Variants in SUSD1 observed in about 807,000 individuals in gnomAD.
SUSD1 encodes sushi domain containing 1, also known as sushi domain-containing protein 1.
A neutral mutation model predicts 86.9 loss-of-function variants in SUSD1; 65 were observed. The observed-to-expected ratio is 0.75, with a 90% CI of 0.61 to 0.92. The LOEUF (loss-of-function observed/expected upper bound fraction) is 0.92. Among genes scored for constraint, SUSD1 ranks in the 40% least tolerant of loss-of-function variants. SUSD1 has a pLI of 0.00. For synonymous variants in SUSD1, 346 were observed against 350.0 expected, an observed-to-expected ratio of 0.99 and a Z score of 0.13; for missense variants, 850 against 929.7, an observed-to-expected ratio of 0.91 and a Z score of 1.11.
intron 13 of SUSD1, among the ~76,000 whole-genome samples, chr9:112,060,902 G>T (rs759393313): frequency 6.6e-6 from 1 of 152,172 alleles, no homozygotes. Flanking sequence ...AGGCTCACCT[G>T]TGCCCATTTG....
At chr9:112,143,685 GA>G in intron 3 of SUSD1, 62 bp from the exon 4 acceptor site, 1 of 1,504,850 alleles carries the variant, frequency 6.6e-7, no homozygotes, top group Non-Finnish European at 8.9e-7. Flanking sequence ...AAAAAAAGGA[GA>G]GGATATTGTG....
At chr9:112,050,577 A>G (rs542907458) in intron 15 of SUSD1, among the ~76,000 whole-genome samples, 116 of 152,266 alleles carry the variant, frequency 7.6e-4, no homozygotes, top group Middle Eastern at 3.4e-3. Flanking sequence ...TCACCATGCC[A>G]GTTGATTGTT....
intron 10 of SUSD1, among the ~76,000 whole-genome samples, chr9:112,090,188 G>A (rs1483795090): frequency 6.6e-6 from 1 of 152,118 alleles, no homozygotes; most frequent in African/African-American, 2.4e-5. Flanking sequence ...CACTGAGACA[G>A]AAGAAAATTC....
At chr9:112,097,001 G>A (rs1417109357) in intron 10 of SUSD1, among the ~76,000 whole-genome samples, 2 of 146,202 alleles carry the variant, frequency 1.4e-5, no homozygotes, top group Admixed American at 7.1e-5. Flanking sequence ...ACAGGACAAG[G>A]TGCCAGGCTC....
intron 12 of SUSD1, among the ~76,000 whole-genome samples, chr9:112,067,158 G>A (rs532175417): frequency 7.2e-5 from 11 of 152,314 alleles, no homozygotes; most frequent in Non-Finnish European, 1.2e-4. Flanking sequence ...GATTACAGGC[G>A]TGAGCCACCA....
chr9:112,114,998 G>A (rs138563876), intron 6 of SUSD1, among the ~76,000 whole-genome samples: 1 of 152,272 alleles, frequency 6.6e-6, no homozygotes, highest in East Asian at 1.9e-4. Flanking sequence ...CCTGGTGCCT[G>A]GGATTTGATT....
intron 9 of SUSD1, among the ~76,000 whole-genome samples, chr9:112,100,017 G>A (rs79927492): frequency 0.018 from 2,801 of 152,194 alleles, 84 homozygotes; most frequent in African/African-American, 0.064. Flanking sequence ...GCTCCTCCAC[G>A]GTCTGGCAGT....
chr9:112,110,729 CA>C (rs1831058393), intron 8 of SUSD1, among the ~76,000 whole-genome samples: 2 of 151,498 alleles, frequency 1.3e-5, no homozygotes, highest in Admixed American at 6.6e-5. Context: ...TACCCATAAC[CA>C]GAGCTTTTTT....
At chr9:112,084,318 A>G (rs1829886285) in intron 10 of SUSD1, among the ~76,000 whole-genome samples, 1 of 152,220 alleles carries the variant, frequency 6.6e-6, no homozygotes, top group Non-Finnish European at 1.5e-5. Flanking sequence ...CTTCCCTCAA[A>G]GAGAATGAGA....
chr9:112,058,569 T>C lies in SUSD1; in HGVS notation c.1968A>G (p.Glu656=). Residue 656 remains glutamate (E), a synonymous_variant, in exon 14 of 17, where the codon GAA becomes GAG. Transcript: ENST00000374270. ...CATCTGGAACATCTTTGGCCAGTAG[T>C]TCTGCAGCCACGTATCCATCAGCAT... ...ASDADGYVAA[E]LLAKDVPDDA... The C allele has an allele frequency of 6.2e-7, 1 of 1,614,158 alleles. No homozygotes were observed. Among genetic ancestry groups the C allele is most frequent in the Non-Finnish European group, 8.5e-7 (1 of 1,180,012 alleles).
At chr9:112,141,717 A>G (rs1832573583) in intron 5 of SUSD1, among the ~76,000 whole-genome samples, 1 of 144,334 alleles carries the variant, frequency 6.9e-6, no homozygotes, top group Non-Finnish European at 1.5e-5. Context: ...AATATATTAC[A>G]TGTAATGTAT....
intron 12 of SUSD1, among the ~76,000 whole-genome samples, chr9:112,066,039 G>C (rs1828962306): frequency 6.6e-6 from 1 of 152,224 alleles, no homozygotes; most frequent in South Asian, 2.1e-4. Context: ...AGGAAATCAA[G>C]GCTCAGGCAG....
At chr9:112,167,104 A>G (rs1219534403) in intron 1 of SUSD1, among the ~76,000 whole-genome samples, 1 of 95,768 alleles carries the variant, frequency 1.0e-5, no homozygotes, top group Non-Finnish European at 2.0e-5. Context: ...TTAAACTGTC[A>G]GTTCTCCAAT....
intron 10 of SUSD1, among the ~76,000 whole-genome samples, chr9:112,083,974 A>G (rs891216501): frequency 1.3e-5 from 2 of 152,206 alleles, no homozygotes; most frequent in African/African-American, 4.8e-5. Flanking sequence ...TAGGCAATTG[A>G]TCTCAAGAAA....
chr9:112,158,096 T>C (rs1184106781), intron 1 of SUSD1, among the ~76,000 whole-genome samples: 1 of 152,000 alleles, frequency 6.6e-6, no homozygotes, highest in Non-Finnish European at 1.5e-5. Context: ...AGTACTGGGA[T>C]TACAGGCGTG....
intron 5 of SUSD1, among the ~76,000 whole-genome samples, chr9:112,132,105 T>C (rs1482379999): frequency 6.6e-6 from 1 of 152,244 alleles, no homozygotes; most frequent in Non-Finnish European, 1.5e-5. Context: ...TTACGGCATC[T>C]AATCAACAAC....
At chr9:112,046,860 T>C (rs1191256952) in intron 15 of SUSD1, among the ~76,000 whole-genome samples, 1 of 152,232 alleles carries the variant, frequency 6.6e-6, no homozygotes, top group Admixed American at 6.5e-5. Flanking sequence ...TAAAGATTAA[T>C]TTAAAGATTA....
At chr9:112,112,712 T>A in intron 7 of SUSD1, 59 bp downstream of exon 7, 1 of 1,151,064 alleles carries the variant, frequency 8.7e-7, no homozygotes, top group Non-Finnish European at 1.3e-6. Flanking sequence ...TCCCTCTGAC[T>A]CATATTCCCA....
At chr9:112,050,675 C>T (rs905264451) in intron 15 of SUSD1, among the ~76,000 whole-genome samples, 24 of 152,198 alleles carry the variant, frequency 1.6e-4, no homozygotes, top group African/African-American at 5.8e-4. Flanking sequence ...GTTGCTAGGA[C>T]CCACAAACCA....
Sources: gnomAD v4.1 joint callset for allele counts (sites outside exome capture counted in the v4.1 genomes callset) on GRCh38, gnomAD v4.1.1 for gene constraint, MANE v1.5 for transcripts, NCBI Gene and HGNC (gene_info 2026-07-23, HGNC 2026-07-21) for gene names.